Variants in TMEM233 observed in about 807,000 individuals in gnomAD.
TMEM233 encodes transmembrane protein 233, also known as dispanin subfamily B member 2.
Under a neutral mutation model 11.2 loss-of-function variants are expected in TMEM233, and 6 were observed. The ratio of observed to expected loss-of-function variants is 0.54; its 90% CI spans 0.29 to 1.06. The LOEUF (loss-of-function observed/expected upper bound fraction) is 1.06. Ranked by LOEUF, TMEM233 falls within the 50% of genes least tolerant of loss-of-function variation. TMEM233 has a pLI of 0.08. For synonymous variants in TMEM233, 59 were observed against 55.8 expected (o/e 1.06, Z -0.26); for missense variants, 127 against 144.7 (o/e 0.88, Z 0.63).
chr12:119,607,741 A>G (rs951836382), intron 1 of TMEM233, among the ~76,000 whole-genome samples: 2 of 151,932 alleles, frequency 1.3e-5, no homozygotes, highest in African/African-American at 4.8e-5. Context: ...CAGGCCCCCA[A>G]GTAGCTGAGA....
In TMEM233 at chr12:119,602,884, C is replaced by T. The variant is rs111720841; in HGVS notation, c.186+8850C>T. Among the ~76,000 whole-genome samples, 1,098 of 152,242 alleles carry T rather than the reference C, an allele frequency of 7.2e-3. 10 individuals carry two copies. Among genetic ancestry groups the T allele is most frequent in the African/African-American group, 0.025 (1,052 of 41,522 alleles). ...GGCCACTAATGCATGACAGTGGAAG[C>T]TGGGTTATGGGAACATGGGGATTTT... On this transcript the variant is annotated intron_variant, in intron 1 of 2. Transcript: ENST00000426426.
At chr12:119,628,208 G>A (rs111658290) in intron 1 of TMEM233, among the ~76,000 whole-genome samples, 1,617 of 151,778 alleles carry the variant, frequency 0.011, 28 homozygotes, top group African/African-American at 0.037. Context: ...GCCCAGGCTG[G>A]AGTGCAATGG....
intron 2 of TMEM233, chr12:119,631,337 C>G (rs1593307626): frequency 1.9e-5 from 4 of 210,348 alleles, no homozygotes; most frequent in Non-Finnish European, 3.3e-5. Context: ...ATCAGCCAAC[C>G]CAACCTTGGC....
intron 1 of TMEM233, among the ~76,000 whole-genome samples, chr12:119,625,716 A>G (rs1380386084): frequency 6.6e-6 from 1 of 152,186 alleles, no homozygotes; most frequent in East Asian, 1.9e-4. Flanking sequence ...CTGCATCAAT[A>G]GTTAACATTT....
chr12:119,611,374 T>C (rs775276675), intron 1 of TMEM233, among the ~76,000 whole-genome samples: 1 of 152,176 alleles, frequency 6.6e-6, no homozygotes, highest in African/African-American at 2.4e-5. Flanking sequence ...TCCCAGTAGA[T>C]GCAAAGTGGT....
chr12:119,652,390 A>G, the TMEM233 span, among the ~76,000 whole-genome samples: 1 of 152,254 alleles, frequency 6.6e-6, no homozygotes, highest in South Asian at 2.1e-4. Context: ...TAGTACAGCT[A>G]CAAACTCTGA....
chr12:119,645,121 G>T (rs1355207227), downstream of TMEM233, among the ~76,000 whole-genome samples: 5 of 152,188 alleles, frequency 3.3e-5, no homozygotes, highest in Admixed American at 2.6e-4. Flanking sequence ...TCTTGAAGTT[G>T]CCCTGTCTCT....
intron 1 of TMEM233, among the ~76,000 whole-genome samples, chr12:119,603,257 C>T (rs181226294): frequency 4.6e-5 from 7 of 152,152 alleles, no homozygotes; most frequent in Admixed American, 3.3e-4. Context: ...GGCAACAGAA[C>T]GAGACCCTGT....
At chr12:119,649,583 A>G in the TMEM233 span, among the ~76,000 whole-genome samples, 1,515 of 152,298 alleles carry the variant, frequency 9.9e-3, 11 homozygotes, top group Non-Finnish European at 0.014. Context: ...AACTTTCAGT[A>G]AAACAAAAAC....
chr12:119,623,108 C>T (rs375854068), intron 1 of TMEM233, among the ~76,000 whole-genome samples: 2 of 152,190 alleles, frequency 1.3e-5, no homozygotes, highest in African/African-American at 2.4e-5. Context: ...TTCACCTGTG[C>T]TCATGGGCAA....
downstream of TMEM233, among the ~76,000 whole-genome samples, chr12:119,643,604 T>TA (rs1271783102): frequency 2.0e-5 from 3 of 152,008 alleles, no homozygotes; most frequent in Non-Finnish European, 4.4e-5. Context: ...CAGTCTCTAC[T>TA]AAAAATACAA....
intron 1 of TMEM233, among the ~76,000 whole-genome samples, chr12:119,625,525 A>G (rs1954736289): frequency 2.0e-5 from 3 of 152,140 alleles, no homozygotes; most frequent in African/African-American, 7.2e-5. Flanking sequence ...GTGCGCATAC[A>G]TAACTTTTAA....
intron 1 of TMEM233, among the ~76,000 whole-genome samples, chr12:119,597,943 C>G (rs931351799): frequency 3.3e-5 from 5 of 152,200 alleles, no homozygotes; most frequent in African/African-American, 4.8e-5. Flanking sequence ...CATGCAGACA[C>G]AGCCCTCCAC....
intron 2 of TMEM233, among the ~76,000 whole-genome samples, chr12:119,637,820 T>TA (rs1954998930): frequency 6.6e-6 from 1 of 152,058 alleles, no homozygotes; most frequent in Non-Finnish European, 1.5e-5. Flanking sequence ...GAATGAACAT[T>TA]AAAAAGATGT....
intron 1 of TMEM233, among the ~76,000 whole-genome samples, chr12:119,601,599 A>G (rs1954167301): frequency 6.6e-6 from 1 of 150,582 alleles, no homozygotes. Context: ...CGGAGCTTGC[A>G]GTGAGCCGAG....
intron 1 of TMEM233, among the ~76,000 whole-genome samples, chr12:119,598,444 T>A (rs145840273): frequency 1.3e-5 from 2 of 152,216 alleles, no homozygotes; most frequent in Non-Finnish European, 2.9e-5. Flanking sequence ...GGATGGCTTA[T>A]AAGCTTTTCA....
chr12:119,647,653 C>T (rs2136821957), downstream of TMEM233, among the ~76,000 whole-genome samples: 1 of 152,190 alleles, frequency 6.6e-6, no homozygotes, highest in South Asian at 2.1e-4. Flanking sequence ...ATGTGCAGAA[C>T]GTGGAGGTTT....
chr12:119,619,121 C>T (rs1954593996), intron 1 of TMEM233, among the ~76,000 whole-genome samples: 1 of 152,176 alleles, frequency 6.6e-6, no homozygotes, highest in Non-Finnish European at 1.5e-5. Context: ...CTTCCTCCTT[C>T]ACTCAGCACT....
At chr12:119,652,492 T>C in the TMEM233 span, among the ~76,000 whole-genome samples, 1 of 152,178 alleles carries the variant, frequency 6.6e-6, no homozygotes, top group African/African-American at 2.4e-5. Flanking sequence ...CATCCACATT[T>C]ACCCGGCTTT....
Sources: gnomAD v4.1 joint callset for allele counts (sites outside exome capture counted in the v4.1 genomes callset) on GRCh38, gnomAD v4.1.1 for gene constraint, MANE v1.5 for transcripts, NCBI Gene and HGNC (gene_info 2026-07-23, HGNC 2026-07-21) for gene names.